Variants in CAMTA1 observed in about 807,000 individuals in gnomAD.
CAMTA1 encodes the protein calmodulin binding transcription activator 1.
A neutral mutation model predicts 170.9 loss-of-function variants in CAMTA1; 27 were observed. That is an observed-to-expected ratio of 0.16 (90% CI 0.12 to 0.22). The LOEUF is 0.22. Ranked by LOEUF, CAMTA1 falls within the 10% of genes least tolerant of loss-of-function variation. The probability of loss-of-function intolerance (pLI) is 1.00; values close to 1 mark genes in which losing one functional copy is unlikely to be tolerated. For missense variants in CAMTA1, 1,619 were observed against 2,217.2 expected (o/e 0.73, Z 5.42); for synonymous variants, 833 against 891.5 (o/e 0.93, Z 1.17).
intron 12 of CAMTA1, among the ~76,000 whole-genome samples, chr1:7,733,717 G>T (rs756065641): frequency 6.6e-6 from 1 of 152,050 alleles, no homozygotes; most frequent in Non-Finnish European, 1.5e-5. Context: ...CAAGACAAAT[G>T]ATGATTTCCT....
intron 4 of CAMTA1, among the ~76,000 whole-genome samples, chr1:7,157,344 CAAAAAAAA>C (rs57248086): frequency 2.0e-5 from 2 of 99,498 alleles, no homozygotes; most frequent in Non-Finnish European, 3.8e-5. Context: ...GACTCTGTCT[CAAAAAAAA>C]AAAAAAAAAA....
chr1:7,306,916 G>A (rs1399866071), intron 5 of CAMTA1, among the ~76,000 whole-genome samples: 1 of 151,748 alleles, frequency 6.6e-6, no homozygotes. Flanking sequence ...ATCTACATTA[G>A]GTATTAGGTA....
chr1:7,660,865 A>G (rs1166611410), intron 7 of CAMTA1, among the ~76,000 whole-genome samples: 1 of 152,186 alleles, frequency 6.6e-6, no homozygotes, highest in Non-Finnish European at 1.5e-5. Flanking sequence ...GCCCCACTAG[A>G]GACAGCTGGA....
intron 4 of CAMTA1, among the ~76,000 whole-genome samples, chr1:7,111,041 G>C (rs545811443): frequency 6.6e-6 from 1 of 152,212 alleles, no homozygotes; most frequent in Non-Finnish European, 1.5e-5. Context: ...CTCTTCCAGC[G>C]GCTAGAGGCC....
chr1:7,729,864 G>A (rs1049216314), intron 11 of CAMTA1, among the ~76,000 whole-genome samples: 62 of 152,200 alleles, frequency 4.1e-4, no homozygotes, highest in African/African-American at 1.0e-3. Context: ...TGGAACCGTC[G>A]TACGCTTTGC....
intron 6 of CAMTA1, 54 bp downstream of exon 6, chr1:7,467,955 G>A (rs1484057050): frequency 1.0e-5 from 15 of 1,493,806 alleles, no homozygotes; most frequent in South Asian, 5.7e-5. Flanking sequence ...GGAAGGGTCT[G>A]TGGAGGGCAC....
chr1:6,851,512 A>C (rs773080310), intron 3 of CAMTA1, among the ~76,000 whole-genome samples: 1 of 152,216 alleles, frequency 6.6e-6, no homozygotes, highest in African/African-American at 2.4e-5. Context: ...AGAATTGTTC[A>C]TAACAGGCAA....
intron 3 of CAMTA1, among the ~76,000 whole-genome samples, chr1:6,828,372 A>G (rs190111593): frequency 7.1e-6 from 1 of 140,232 alleles, no homozygotes; most frequent in Non-Finnish European, 1.5e-5. Context: ...GCTCACTGCA[A>G]CCTCCGCCTC....
intron 11 of CAMTA1, among the ~76,000 whole-genome samples, chr1:7,688,582 AG>A (rs1433416274): frequency 6.6e-6 from 1 of 152,170 alleles, no homozygotes; most frequent in African/African-American, 2.4e-5. Flanking sequence ...GGAGAAGAGA[AG>A]ACACAAGTGC....
intron 3 of CAMTA1, among the ~76,000 whole-genome samples, chr1:6,921,986 C>A (rs1682119302): frequency 6.6e-6 from 1 of 152,086 alleles, no homozygotes; most frequent in Non-Finnish European, 1.5e-5. Flanking sequence ...CATTAAAAGC[C>A]AGTTGTCAGC....
intron 5 of CAMTA1, among the ~76,000 whole-genome samples, chr1:7,314,882 A>G (rs749571512): frequency 6.6e-6 from 1 of 152,224 alleles, no homozygotes; most frequent in Non-Finnish European, 1.5e-5. Flanking sequence ...TCTGACCACC[A>G]GAAAACCTAA....
At chr1:7,204,488 T>G (rs1310191544) in intron 4 of CAMTA1, among the ~76,000 whole-genome samples, 2 of 152,216 alleles carry the variant, frequency 1.3e-5, no homozygotes, top group Non-Finnish European at 2.9e-5. Flanking sequence ...TTTCTGCTAC[T>G]GATTTCTAAT....
intron 6 of CAMTA1, among the ~76,000 whole-genome samples, chr1:7,480,181 C>T (rs2093495016): frequency 8.2e-6 from 1 of 121,356 alleles, no homozygotes; most frequent in Non-Finnish European, 1.7e-5. Context: ...GCTTGTGTCT[C>T]AGTGCATGTG....
chr1:7,657,358 G>C (rs1333471845), intron 7 of CAMTA1, among the ~76,000 whole-genome samples: 1 of 152,206 alleles, frequency 6.6e-6, no homozygotes, highest in Non-Finnish European at 1.5e-5. Flanking sequence ...CATTCTGCCT[G>C]AGAACGGGGA....
At chr1:7,677,457 A>G in intron 10 of CAMTA1, 142 bp from the exon 11 acceptor site, 2 of 969,398 alleles carry the variant, frequency 2.1e-6, no homozygotes, top group South Asian at 1.6e-5. Context: ...GCCTCGAATG[A>G]GCAGGCATAG....
At chr1:7,272,182 T>G (rs1316332255) in intron 5 of CAMTA1, among the ~76,000 whole-genome samples, 1 of 152,132 alleles carries the variant, frequency 6.6e-6, no homozygotes, top group Non-Finnish European at 1.5e-5. Context: ...TAGGGATACA[T>G]TTTTAAAATG....
rs1160472913 is a variant in CAMTA1, at chr1:7,286,461, C to T, written c.438+36835C>T. ...CATCTGTGGCCGTGGCATCCAATCT[C>T]TTCTCTTTGGGCTGGAATCATGAAC... On this transcript the variant is annotated intron_variant, in intron 5 of 22. Coordinates refer to ENST00000303635, the MANE Select transcript of CAMTA1 (RefSeq NM_015215.4). The surrounding 1 kb of genome is among the most constrained non-coding windows in gnomAD (Gnocchi z 4.2). Among the ~76,000 whole-genome samples, 2 of 152,174 alleles carry T rather than the reference C, an allele frequency of 1.3e-5. No individual in the cohort carries two copies. The highest frequency in any genetic ancestry group is 1.3e-4 in the Admixed American group (2 of 15,284).
chr1:7,171,506 G>A lies in CAMTA1; in HGVS notation c.303-77985G>A, dbSNP rs1487875717. On this transcript the variant is annotated intron_variant, in intron 4 of 22. Transcript: ENST00000303635. ...CCAACACAGACCAAGTGGTCAACAA[G>A]TATTTATTGGACTGAAATAGTTTCT... Among the ~76,000 whole-genome samples the A allele has an allele frequency of 5.9e-5, 9 of 152,146 alleles. No individual in the cohort carries two copies. In the South Asian group the frequency reaches 1.0e-3, roughly 18 times the overall value.
intron 5 of CAMTA1, among the ~76,000 whole-genome samples, chr1:7,305,859 G>A (rs950342148): frequency 6.6e-6 from 1 of 151,948 alleles, no homozygotes; most frequent in African/African-American, 2.4e-5. Flanking sequence ...ATTTTAATAG[G>A]CGTGTACTGG....
Sources: gnomAD v4.1 joint callset for allele counts (sites outside exome capture counted in the v4.1 genomes callset) on GRCh38, gnomAD v4.1.1 for gene constraint, Gnocchi (gnomAD v3.1) non-coding constraint, MANE v1.5 for transcripts, NCBI Gene and HGNC (gene_info 2026-07-23, HGNC 2026-07-21) for gene names.